The following CALCR variants were observed in gnomAD, a reference collection of about 807,000 sequenced individuals.
CALCR encodes the protein calcitonin receptor.
Under a neutral mutation model 59.5 loss-of-function variants are expected in CALCR, and 47 were observed. That is an observed-to-expected ratio of 0.79 (90% CI 0.63 to 1.01). The LOEUF is 1.01. Ranked by LOEUF, CALCR falls within the 50% of genes least tolerant of loss-of-function variation. The pLI is 0.00. For missense variants in CALCR, 566 were observed against 597.1 expected (o/e 0.95, Z 0.54); for synonymous variants, 213 against 211.3 (o/e 1.01, Z -0.07).
Position 93,436,169 on chromosome 7 carries a change from A to G in CALCR, c.932T>C (p.Val311Ala). The G allele has an allele frequency of 1.9e-6, 3 of 1,612,820 alleles. No individual in the cohort carries two copies. Among genetic ancestry groups the G allele is most frequent in the Non-Finnish European group, 2.5e-6 (3 of 1,178,822 alleles). ...IHGPVMAALV[V>A]NFFFLLNIVR... ...AATGTTGAGCAAAAAGAAGAAATTG[A>G]CCTGCAAATATACGGTGTTATGAGC... The change falls in exon 12 of 14, where the codon GTC (valine) becomes GCC (alanine). Residue 311 changes from valine to alanine, a missense_variant and splice_region_variant. Transcript: ENST00000426151.
intron 3 of CALCR, among the ~76,000 whole-genome samples, chr7:93,481,568 C>A (rs986616676): frequency 6.6e-6 from 1 of 151,842 alleles, no homozygotes; most frequent in Non-Finnish European, 1.5e-5. Flanking sequence ...TTAGGGGGAA[C>A]TTCTCCCCCT....
chr7:93,436,145 A>C lies in CALCR; in HGVS notation c.956T>G (p.Ile319Ser). The C allele has an allele frequency of 6.2e-7, 1 of 1,614,128 alleles. No individual in the cohort carries two copies. Among genetic ancestry groups the C allele is most frequent in the Non-Finnish European group, 8.5e-7 (1 of 1,179,964 alleles). ...CATTTTGGTCACAAGCACCCGGACA[A>C]TGTTGAGCAAAAAGAAGAAATTGAC... ...LVVNFFFLLNIVRVLVTKMRE... is the reference protein window; with the variant it reads ...LVVNFFFLLNSVRVLVTKMRE... The change falls in exon 12 of 14, where the codon ATT becomes AGT. Residue 319 changes from isoleucine (I) to serine (S), a missense_variant. By Grantham distance (142) the Ile-to-Ser change is moderately radical. Coordinates refer to ENST00000426151, the MANE Select transcript of CALCR (RefSeq NM_001742.4).
chr7:93,426,364 A>G lies in CALCR; in HGVS notation c.1417T>C (p.Ser473Pro), dbSNP rs750130579. 2 of 1,571,396 alleles carry G rather than the reference A, an allele frequency of 1.3e-6. No individual in the cohort carries two copies. Among genetic ancestry groups the G allele is most frequent in the Non-Finnish European group, 1.8e-6 (2 of 1,141,324 alleles). ...IPLNIIEQESSA is the reference protein window; with the variant it reads ...IPLNIIEQESPA ...CTGTGTTTGCTTCACATTCAAGCAG[A>G]TGACTCTTGCTCTATGATATTCAAA... is the stretch of plus-strand genomic sequence containing the variant. The change falls in exon 14 of 14, where the codon TCT (serine) becomes CCT (proline). Residue 473 changes from serine to proline, a missense_variant. Ser to Pro is a moderately conservative substitution (Grantham distance 74). Coordinates refer to ENST00000426151, the MANE Select transcript of CALCR (RefSeq NM_001742.4).
intron 2 of CALCR, among the ~76,000 whole-genome samples, chr7:93,548,884 G>A (rs1194151869): frequency 7.6e-6 from 1 of 132,204 alleles, no homozygotes; most frequent in Non-Finnish European, 1.7e-5. Flanking sequence ...GTGTGTCTGT[G>A]TGTGTGTATG....
At chr7:93,464,053 T>C (rs537270541) in intron 7 of CALCR, among the ~76,000 whole-genome samples, 1 of 152,062 alleles carries the variant, frequency 6.6e-6, no homozygotes, top group Non-Finnish European at 1.5e-5. Flanking sequence ...AATCTCAAGA[T>C]GTCACATTTT....
intron 2 of CALCR, among the ~76,000 whole-genome samples, chr7:93,494,151 T>C (rs1245190498): frequency 6.6e-6 from 1 of 151,436 alleles, no homozygotes; most frequent in Non-Finnish European, 1.5e-5. Flanking sequence ...AGAGCTAATA[T>C]GGCGAGAAAC....
chr7:93,437,336 T>C (rs1799801971), intron 11 of CALCR, among the ~76,000 whole-genome samples: 1 of 152,206 alleles, frequency 6.6e-6, no homozygotes, highest in South Asian at 2.1e-4. Flanking sequence ...TATGAGTAGC[T>C]ATTATTATTT....
At chr7:93,435,218 A>G (rs938180309) in intron 12 of CALCR, among the ~76,000 whole-genome samples, 2 of 152,122 alleles carry the variant, frequency 1.3e-5, no homozygotes, top group Admixed American at 6.5e-5. Context: ...ATAGCACTGA[A>G]CCGTCATGAA....
At chr7:93,532,850 A>T in intron 2 of CALCR, among the ~76,000 whole-genome samples, 1 of 150,908 alleles carries the variant, frequency 6.6e-6, no homozygotes, top group East Asian at 2.0e-4. Flanking sequence ...AAAAAAAAAA[A>T]AAAAAAAAAA....
intron 8 of CALCR, 101 bp from the exon 9 acceptor site, chr7:93,443,858 C>T (rs1337060944): frequency 3.0e-6 from 3 of 984,008 alleles, no homozygotes; most frequent in Non-Finnish European, 4.6e-6. Context: ...CTGCATTCAG[C>T]TTGCAAGGCA....
rs769425672 is a variant in CALCR, at chr7:93,443,727, G to C, written c.679C>G (p.Gln227Glu). The C allele has an allele frequency of 9.3e-6, 15 of 1,612,732 alleles. No homozygotes were observed. The change falls in exon 9 of 14, where the codon CAG (glutamine) becomes GAG (glutamate). Residue 227 changes from glutamine to glutamate, a missense_variant. Gln to Glu is a conservative substitution (Grantham distance 29, BLOSUM62 2). Coordinates refer to ENST00000426151, the MANE Select transcript of CALCR (RefSeq NM_001742.4). ...AAATAGTTGCAGGCCATCATGTACT[G>C]GTGGAAAAAATGCAAAATCTTGCAG... ...VSCKILHFFH[Q>E]YMMACNYFWM...
chr7:93,431,703 G>T (rs1013153347), intron 13 of CALCR, among the ~76,000 whole-genome samples: 6 of 152,150 alleles, frequency 3.9e-5, no homozygotes, highest in Middle Eastern at 3.2e-3. Flanking sequence ...ATAAGCTACA[G>T]GAAATAAACA....
chr7:93,425,159 T>C lies in CALCR; in HGVS notation c.*1197A>G, dbSNP rs1799497491. On this transcript the variant is annotated 3_prime_UTR_variant, in exon 14 of 14. Coordinates refer to ENST00000426151, the MANE Select transcript of CALCR (RefSeq NM_001742.4). ...TTATACTGGGAAGTAAAGAGAGATA[T>C]GATAATATAATACTGGATTTTAATG... 1 of 152,626 alleles carries C rather than the reference T, an allele frequency of 6.6e-6. No homozygotes were observed. The highest frequency in any genetic ancestry group is 2.1e-4 in the South Asian group (1 of 4,828). The allele number at this position is 152,626 out of a possible 1,614,324, so 9.5% of individuals were successfully genotyped here.
intron 8 of CALCR, among the ~76,000 whole-genome samples, chr7:93,455,470 G>A (rs906645456): frequency 4.0e-5 from 6 of 151,446 alleles, no homozygotes; most frequent in Admixed American, 1.3e-4. Context: ...GGCTAGGGAG[G>A]ACCTTAATCT....
intron 5 of CALCR, among the ~76,000 whole-genome samples, chr7:93,473,121 GCTTCAGC>G (rs1562987619): frequency 2.0e-5 from 3 of 151,624 alleles, no homozygotes. Context: ...AGGGATCCAG[GCTTCAGC>G]CTTTAATGTT....
At chr7:93,442,067 C>A (rs559433776) in intron 9 of CALCR, among the ~76,000 whole-genome samples, 1 of 152,124 alleles carries the variant, frequency 6.6e-6, no homozygotes, top group African/African-American at 2.4e-5. Context: ...GAGCAGAGAC[C>A]CTATGGTCTA....
At chr7:93,485,301 G>A (rs1314259629) in intron 3 of CALCR, among the ~76,000 whole-genome samples, 1 of 151,544 alleles carries the variant, frequency 6.6e-6, no homozygotes, top group Non-Finnish European at 1.5e-5. Flanking sequence ...AAATGTTTCT[G>A]TCCATGGCTC....
At chr7:93,461,005 A>T in intron 7 of CALCR, 58 bp from the exon 8 acceptor site, 1 of 1,415,248 alleles carries the variant, frequency 7.1e-7, no homozygotes, top group Non-Finnish European at 9.5e-7. Context: ...AGTACCTGGA[A>T]AAAAACATTT....
At chr7:93,486,181 C>A (rs1800939844) in intron 3 of CALCR, among the ~76,000 whole-genome samples, 1 of 151,438 alleles carries the variant, frequency 6.6e-6, no homozygotes, top group South Asian at 2.1e-4. Context: ...GGATAAGAAG[C>A]AAGGCAGCTC....
Sources: allele counts gnomAD v4.1 joint callset (sites outside exome capture counted in the v4.1 genomes callset), GRCh38; gene constraint gnomAD v4.1.1; transcripts MANE v1.5; gene names NCBI Gene and HGNC (gene_info 2026-07-23, HGNC 2026-07-21).